MAGI3: variants seen among roughly 807,000 people sequenced by gnomAD.
MAGI3 encodes the protein membrane-associated guanylate kinase, WW and PDZ domain-containing protein 3.
A neutral mutation model predicts 121.8 loss-of-function variants in MAGI3; 43 were observed. The ratio of observed to expected loss-of-function variants is 0.35; its 90% confidence interval spans 0.28 to 0.46. The LOEUF is 0.46. Among genes scored for constraint, MAGI3 ranks in the 20% least tolerant of loss-of-function variants. The pLI, the probability that MAGI3 is intolerant of heterozygous loss-of-function variation, is 1.00. For synonymous variants in MAGI3, 553 were observed against 639.3 expected (o/e 0.86, Z 2.04); for missense variants, 1,547 against 1,797.3 (o/e 0.86, Z 2.52).
At chr1:113,543,237 TTTATA>T (rs1659371515) in intron 1 of MAGI3, among the ~76,000 whole-genome samples, 1 of 152,148 alleles carries the variant, frequency 6.6e-6, no homozygotes, top group Non-Finnish European at 1.5e-5. Flanking sequence ...TTAGCCTTAT[TTTATA>T]TTTCAGTCCA....
At chr1:113,535,059 T>C (rs577139868) in intron 1 of MAGI3, among the ~76,000 whole-genome samples, 1 of 152,258 alleles carries the variant, frequency 6.6e-6, no homozygotes, top group African/African-American at 2.4e-5. Context: ...AGGACTGACT[T>C]CTCTAGCTTA....
chr1:113,554,677 A>G (rs1659916375), intron 2 of MAGI3, among the ~76,000 whole-genome samples: 1 of 152,108 alleles, frequency 6.6e-6, no homozygotes, highest in African/African-American at 2.4e-5. Context: ...AAGTGGAGGA[A>G]GGAGAAAAAA....
Position 113,642,489 on chromosome 1 carries a change from G to A in MAGI3, c.1939G>A (p.Asp647Asn). The A allele has an allele frequency of 6.2e-7, 1 of 1,613,106 alleles. No homozygotes were observed. The change falls in exon 10 of 21, where the codon GAT (aspartate) becomes AAT (asparagine). Residue 647 changes from aspartate (D) to asparagine (N), a missense_variant. Transcript: ENST00000307546. ...EVLKQFPVGA[D>N]VPLLILRGGP... ...GCTAAAGCAGTTTCCAGTAGGTGCT[G>A]ATGTACCATTGCTTATCTTAAGAGG...
chr1:113,477,172 CTT>C (rs1352682150), intron 1 of MAGI3, among the ~76,000 whole-genome samples: 2 of 152,160 alleles, frequency 1.3e-5, no homozygotes, highest in South Asian at 2.1e-4. Context: ...GGTCTTGACT[CTT>C]TATCGAATTT....
At chr1:113,519,835 A>C (rs1012644698) in intron 1 of MAGI3, among the ~76,000 whole-genome samples, 4 of 152,222 alleles carry the variant, frequency 2.6e-5, no homozygotes, top group Non-Finnish European at 5.9e-5. Flanking sequence ...AGTAAACCAT[A>C]TTGTTTGCAC....
intron 16 of MAGI3, among the ~76,000 whole-genome samples, chr1:113,669,460 AG>A (rs1647393451): frequency 6.6e-6 from 1 of 152,208 alleles, no homozygotes; most frequent in Non-Finnish European, 1.5e-5. Flanking sequence ...TTTGAACATG[AG>A]GTGAAATGGA....
intron 1 of MAGI3, among the ~76,000 whole-genome samples, chr1:113,413,130 A>G (rs1652093140): frequency 6.6e-6 from 1 of 152,210 alleles, no homozygotes; most frequent in South Asian, 2.1e-4. Flanking sequence ...TTTATTACAT[A>G]GGGAATCCTT....
intron 16 of MAGI3, among the ~76,000 whole-genome samples, chr1:113,663,901 G>A (rs1368546600): frequency 6.6e-6 from 1 of 152,082 alleles, no homozygotes; most frequent in Non-Finnish European, 1.5e-5. Flanking sequence ...ATTCTAGTGG[G>A]TATGAAATGG....
At chr1:113,476,423 C>G (rs1032599952) in intron 1 of MAGI3, among the ~76,000 whole-genome samples, 2 of 152,178 alleles carry the variant, frequency 1.3e-5, no homozygotes, top group Admixed American at 1.3e-4. Flanking sequence ...TAAGTTGTAT[C>G]TTTGTTCTCA....
intron 2 of MAGI3, 55 bp from the exon 3 acceptor site, chr1:113,580,487 A>C: frequency 6.6e-7 from 1 of 1,513,532 alleles, no homozygotes. Context: ...TACTTTGAAT[A>C]TTTTGTAAGT....
intron 1 of MAGI3, among the ~76,000 whole-genome samples, chr1:113,440,156 T>C (rs768546870): frequency 1.3e-5 from 2 of 152,156 alleles, no homozygotes; most frequent in African/African-American, 2.4e-5. Flanking sequence ...AATGAAATAA[T>C]GTATTAGAGG....
chr1:113,682,298 A>T, intron 20 of MAGI3: 1 of 1,590,610 alleles, frequency 6.3e-7, no homozygotes, highest in Admixed American at 1.9e-5. Flanking sequence ...CCTTAAAAAG[A>T]CTTGGTAAAT....
At chr1:113,530,285 G>C (rs1658642779) in intron 1 of MAGI3, among the ~76,000 whole-genome samples, 1 of 148,916 alleles carries the variant, frequency 6.7e-6, no homozygotes, top group Non-Finnish European at 1.5e-5. Flanking sequence ...AAACATTTTT[G>C]TGTCTGATTA....
At chr1:113,584,902 C>CT (rs1335857523) in intron 3 of MAGI3, among the ~76,000 whole-genome samples, 1 of 150,832 alleles carries the variant, frequency 6.6e-6, no homozygotes, top group Non-Finnish European at 1.5e-5. Flanking sequence ...TATTTCTGCT[C>CT]TCTCTTCTCG....
At chr1:113,421,593 T>C (rs986169923) in intron 1 of MAGI3, among the ~76,000 whole-genome samples, 1 of 152,204 alleles carries the variant, frequency 6.6e-6, no homozygotes, top group Non-Finnish European at 1.5e-5. Context: ...TATGTATTCA[T>C]TCATGAATTA....
In MAGI3 at chr1:113,395,633, CGT is replaced by C. The variant is rs542263004; in HGVS notation, c.316+4291_316+4292del. Among the ~76,000 whole-genome samples the C allele has an allele frequency of 4.2e-3, 632 of 151,718 alleles. 3 individuals carry two copies. The highest frequency in any genetic ancestry group is 0.014 in the African/African-American group (598 of 41,378). Reference sequence around the variant, plus strand: ...ATCTCAGTATGTATATATGTATATACGTGTGTGTATATATATATTATATGCAT... The same window carrying C: ...ATCTCAGTATGTATATATGTATATACGTGTGTATATATATATTATATGCAT... On this transcript the variant is annotated intron_variant, in intron 1 of 20. Coordinates refer to ENST00000307546, the MANE Select transcript of MAGI3 (RefSeq NM_001142782.2).
chr1:113,437,853 T>C (rs12037714), intron 1 of MAGI3, among the ~76,000 whole-genome samples: 1,706 of 54,510 alleles, frequency 0.031, 101 homozygotes, highest in Admixed American at 0.038. Flanking sequence ...TTCTTCTTCT[T>C]CTTCTTCTTC....
intron 6 of MAGI3, among the ~76,000 whole-genome samples, chr1:113,596,690 C>A (rs1269852294): frequency 6.6e-6 from 1 of 151,810 alleles, no homozygotes; most frequent in East Asian, 1.9e-4. Flanking sequence ...AGAAAATATA[C>A]AAACAGCCCA....
intron 9 of MAGI3, among the ~76,000 whole-genome samples, chr1:113,625,173 T>G (rs1230335041): frequency 1.3e-5 from 2 of 152,192 alleles, no homozygotes; most frequent in African/African-American, 4.8e-5. Flanking sequence ...CTTTGGCTAT[T>G]CTGGGTCTTT....
Sources: allele counts gnomAD v4.1 joint callset (sites outside exome capture counted in the v4.1 genomes callset), GRCh38; gene constraint gnomAD v4.1.1; transcripts MANE v1.5; gene names NCBI Gene and HGNC (gene_info 2026-07-23, HGNC 2026-07-21).